Variants in BCL2L13 observed in about 807,000 individuals in gnomAD.
BCL2L13 encodes BCL2 like 13.
BCL2L13 carries 13 observed loss-of-function variants against 25.8 expected under a neutral mutation model. The observed-to-expected ratio is 0.50, with a 90% CI of 0.33 to 0.80. The LOEUF (loss-of-function observed/expected upper bound fraction) is 0.80, where lower values mean the gene tolerates loss of function less well. BCL2L13 is among the 30% of genes least tolerant of loss of function. The pLI is 0.02. For missense variants in BCL2L13, 504 were observed against 574.9 expected, an observed-to-expected ratio of 0.88 and a Z score of 1.26; for synonymous variants, 244 against 230.3, an observed-to-expected ratio of 1.06 and a Z score of -0.54.
rs71201865 is a variant in BCL2L13, at chr22:17,674,605, C to CA, written c.122-8592dup. ...TGGGCAACCGTGTGAGACTCTGTCT[C>CA]AAAAAAAAAAAAAAAAAGAAAGAAA... On this transcript the variant is annotated intron_variant, in intron 2 of 6. Transcript: ENST00000317582. 1.7e-3 allele frequency among the ~76,000 whole-genome samples: 219 copies of CA among 125,184 alleles called. 1 individual carries two copies. The highest frequency in any genetic ancestry group is 2.7e-3 in the Non-Finnish European group (162 of 59,014). 82.1% of individuals were successfully genotyped at this position (125,184 alleles called of 152,430 possible). A position where few individuals can be genotyped will look rare whatever the true frequency, so the allele number is the denominator to read the frequency against.
At chr22:17,655,126 T>A (rs1405741140) in intron 1 of BCL2L13, among the ~76,000 whole-genome samples, 2 of 152,010 alleles carry the variant, frequency 1.3e-5, no homozygotes, top group African/African-American at 4.8e-5. Flanking sequence ...AACAGACTCA[T>A]TAGCCCAGGC....
At chr22:17,641,993 G>A (rs571862418) in intron 1 of BCL2L13, among the ~76,000 whole-genome samples, 1 of 151,460 alleles carries the variant, frequency 6.6e-6, no homozygotes, top group Admixed American at 6.6e-5. Context: ...TAAAGACGGG[G>A]TTTCACTGTG....
At position 17,709,796 on chromosome 22, in the gene BCL2L13, C is replaced by T. The variant is rs577744911; in HGVS notation, c.600+7410C>T. On this transcript the variant is annotated intron_variant, in intron 6 of 6. Coordinates refer to ENST00000317582, the MANE Select transcript of BCL2L13 (RefSeq NM_015367.4). ...TATTAAAACAAAAGAAAACATTGACCGGGTGCAGTGGCTCACTCCTGTAAT... is the reference window on the plus strand; with the variant it reads ...TATTAAAACAAAAGAAAACATTGACTGGGTGCAGTGGCTCACTCCTGTAAT... Among the ~76,000 whole-genome samples, 285 of 151,420 alleles carry T rather than the reference C, an allele frequency of 1.9e-3. 1 individual carries two copies. Among genetic ancestry groups the T allele is most frequent in the Middle Eastern group, 6.9e-3 (2 of 290 alleles).
At chr22:17,678,029 G>A (rs991577190) in intron 2 of BCL2L13, among the ~76,000 whole-genome samples, 1 of 152,062 alleles carries the variant, frequency 6.6e-6, no homozygotes, top group Admixed American at 6.6e-5. Context: ...CTGGGCAACA[G>A]GGTGAGACCC....
intron 2 of BCL2L13, among the ~76,000 whole-genome samples, chr22:17,682,909 G>A (rs942694955): frequency 1.4e-4 from 22 of 152,258 alleles, no homozygotes; most frequent in Admixed American, 9.8e-4. Context: ...CGAGGCAGGC[G>A]GATCACAAGG....
At chr22:17,636,966 G>A (rs2058118541), upstream of BCL2L13, among the ~76,000 whole-genome samples, 1 of 152,044 alleles carries the variant, frequency 6.6e-6, no homozygotes, top group Admixed American at 6.6e-5. Flanking sequence ...ACAGTGAACT[G>A]CACAGACCTT....
At chr22:17,651,945 C>T (rs1401359027) in intron 1 of BCL2L13, among the ~76,000 whole-genome samples, 2 of 151,890 alleles carry the variant, frequency 1.3e-5, no homozygotes, top group African/African-American at 4.8e-5. Context: ...CTGCCTTGGC[C>T]TCCCAAAATG....
chr22:17,723,233 G>A (rs940392387), intron 6 of BCL2L13, among the ~76,000 whole-genome samples: 1 of 151,926 alleles, frequency 6.6e-6, no homozygotes, highest in African/African-American at 2.4e-5. Flanking sequence ...CATTCCAGTG[G>A]TCCTTACCCT....
chr22:17,643,574 T>G (rs905752846), intron 1 of BCL2L13, among the ~76,000 whole-genome samples: 4 of 152,208 alleles, frequency 2.6e-5, no homozygotes, highest in African/African-American at 9.6e-5. Flanking sequence ...ACTAAAGAGC[T>G]GATAGCCAAG....
chr22:17,656,914 G>C (rs1268802089), intron 2 of BCL2L13, among the ~76,000 whole-genome samples: 1 of 152,060 alleles, frequency 6.6e-6, no homozygotes, highest in Non-Finnish European at 1.5e-5. Flanking sequence ...TGCCTCCCGG[G>C]TTCAAGCAAT....
upstream of BCL2L13, among the ~76,000 whole-genome samples, chr22:17,635,724 T>TG (rs1162610412): frequency 3.9e-5 from 6 of 152,000 alleles, no homozygotes; most frequent in Admixed American, 6.6e-5. Context: ...TCTTTTTTTT[T>TG]TTTTAGACAG....
chr22:17,642,670 C>T (rs1214750599), intron 1 of BCL2L13, among the ~76,000 whole-genome samples: 2 of 151,844 alleles, frequency 1.3e-5, no homozygotes, highest in South Asian at 4.2e-4. Context: ...CTCAGCTCAC[C>T]TCAACCTCTG....
chr22:17,721,175 A>AT (rs2061115591), intron 6 of BCL2L13, among the ~76,000 whole-genome samples: 8 of 150,374 alleles, frequency 5.3e-5, no homozygotes, highest in Admixed American at 1.3e-4. Context: ...GTCTCAAAAA[A>AT]AAAAAATATA....
intron 1 of BCL2L13, among the ~76,000 whole-genome samples, chr22:17,630,932 CCTT>C (rs977659396): frequency 6.6e-6 from 1 of 151,818 alleles, no homozygotes; most frequent in Non-Finnish European, 1.5e-5. Context: ...CCTTTTATAA[CCTT>C]CTTATAACCT....
At chr22:17,646,892 G>GAA in intron 1 of BCL2L13, among the ~76,000 whole-genome samples, 4 of 3,734 alleles carry the variant, frequency 1.1e-3, no homozygotes, top group African/African-American at 2.6e-3. Flanking sequence ...GCTAATTTGT[G>GAA]TGTGTGTGTG....
At chr22:17,636,587 G>T (rs1334362121), upstream of BCL2L13, among the ~76,000 whole-genome samples, 1 of 151,874 alleles carries the variant, frequency 6.6e-6, no homozygotes, top group Non-Finnish European at 1.5e-5. Context: ...CCAAGAGTTG[G>T]AGACCAGCCT....
chr22:17,721,634 C>T (rs778011848), intron 6 of BCL2L13, among the ~76,000 whole-genome samples: 4 of 149,564 alleles, frequency 2.7e-5, no homozygotes, highest in Non-Finnish European at 4.4e-5. Flanking sequence ...AAGCAATTCT[C>T]CTGCCTCAGC....
rs893148175 is a variant in BCL2L13 at position 17,728,863 on chromosome 22, C to T, written c.*1329C>T. 1.3e-5 allele frequency: 2 copies of T among 152,138 alleles called. No individual in the cohort carries two copies. The highest frequency in any genetic ancestry group is 2.4e-5 in the African/African-American group (1 of 41,432). The allele number at this position is 152,138 out of a possible 1,614,324, so 9.4% of individuals were successfully genotyped here. A position where few individuals can be genotyped will look rare whatever the true frequency, so the allele number is the denominator to read the frequency against. ...TAATCAGTATATGCTAGTTGAGCAT[C>T]GGCATAATTTTCTTTCCTCTGGCTG... On this transcript the variant is annotated 3_prime_UTR_variant, in exon 7 of 7. Coordinates refer to ENST00000317582, the MANE Select transcript of BCL2L13 (RefSeq NM_015367.4).
At chr22:17,642,109 CT>C (rs1392505128) in intron 1 of BCL2L13, among the ~76,000 whole-genome samples, 2 of 138,576 alleles carry the variant, frequency 1.4e-5, no homozygotes, top group African/African-American at 5.4e-5. Flanking sequence ...AATATGTGGT[CT>C]TTTGTGTCTG....
Sources: gnomAD v4.1 joint callset for allele counts (sites outside exome capture counted in the v4.1 genomes callset) on GRCh38, gnomAD v4.1.1 for gene constraint, MANE v1.5 for transcripts, NCBI Gene and HGNC (gene_info 2026-07-23, HGNC 2026-07-21) for gene names.